The following FBLN5 variants were observed in gnomAD, a reference collection of about 807,000 sequenced individuals.
The protein encoded by FBLN5 is fibulin-5.
Under a neutral mutation model 61.6 loss-of-function variants are expected in FBLN5, and 24 were observed. That is an observed-to-expected ratio of 0.39 (90% confidence interval 0.28 to 0.55). The LOEUF (loss-of-function observed/expected upper bound fraction) is 0.55, where lower values mean the gene tolerates loss of function less well. FBLN5 is among the 20% of genes least tolerant of loss of function. The pLI, the probability that FBLN5 is intolerant of heterozygous loss-of-function variation, is 0.65. For missense variants in FBLN5, 470 were observed against 594.1 expected (o/e 0.79, Z 2.17); for synonymous variants, 213 against 219.8 (o/e 0.97, Z 0.27).
At position 91,943,041 on chromosome 14, in the gene FBLN5, C is replaced by T. The variant is rs1267181610; in HGVS notation, c.18-80G>A. On this transcript the variant is annotated intron_variant, in intron 1 of 10. Coordinates refer to ENST00000342058, the MANE Select transcript of FBLN5 (RefSeq NM_006329.4). This position sits in a 1 kb window ranked among gnomAD's most constrained non-coding sequence, Gnocchi z 4.0. ...AGTGTGGGTCGCATGCGGCCCGTGA[C>T]GTGTAACGGTGATATCACCTTGGGC... 1.3e-5 allele frequency: 12 copies of T among 921,444 alleles called. No homozygotes were observed. Among genetic ancestry groups the T allele is most frequent in the East Asian group, 7.9e-5 (3 of 38,176 alleles). The allele number at this position is 921,444 out of a possible 1,614,324, so 57.1% of individuals were successfully genotyped here.
At chr14:91,903,415 A>G (rs1211740976) in intron 4 of FBLN5, among the ~76,000 whole-genome samples, 2 of 152,216 alleles carry the variant, frequency 1.3e-5, no homozygotes, top group East Asian at 3.8e-4. Context: ...GAGATAACAA[A>G]AAGTACAAAA....
At chr14:91,941,067 GTGGCA>G (rs750534505) in intron 2 of FBLN5, among the ~76,000 whole-genome samples, 1 of 152,164 alleles carries the variant, frequency 6.6e-6, no homozygotes, top group Non-Finnish European at 1.5e-5. Flanking sequence ...TGAGCCTAAT[GTGGCA>G]TGCTCCCTGT....
intron 4 of FBLN5, among the ~76,000 whole-genome samples, chr14:91,916,287 A>G (rs1891194583): frequency 6.6e-6 from 1 of 152,158 alleles, no homozygotes; most frequent in Non-Finnish European, 1.5e-5. Context: ...CTCTACAAAA[A>G]GAATACAAAA....
At chr14:91,935,229 T>A (rs1424349330) in intron 4 of FBLN5, among the ~76,000 whole-genome samples, 1 of 152,206 alleles carries the variant, frequency 6.6e-6, no homozygotes, top group Admixed American at 6.5e-5. Context: ...ATGTCCTCAT[T>A]GTCAAGGGCA....
intron 9 of FBLN5, among the ~76,000 whole-genome samples, chr14:91,880,288 G>T (rs1401605240): frequency 6.6e-6 from 1 of 152,146 alleles, no homozygotes; most frequent in Non-Finnish European, 1.5e-5. Flanking sequence ...CGGAATCTTG[G>T]GCCCCACCCC....
intron 5 of FBLN5, 87 bp downstream of exon 5, chr14:91,894,861 TCA>T: frequency 1.6e-6 from 1 of 613,334 alleles, no homozygotes; most frequent in South Asian, 1.7e-5. Context: ...CTTACTACCC[TCA>T]GGCAGCCAGC....
chr14:91,939,996 G>A lies in FBLN5; in HGVS notation c.124+569C>T, dbSNP rs766595454. 2.0e-5 allele frequency: 9 copies of A among 452,986 alleles called. 1 individual carries two copies. The highest frequency in any genetic ancestry group is 9.3e-5 in the South Asian group (6 of 64,302). The allele number at this position is 452,986 out of a possible 1,614,324, so 28.1% of individuals were successfully genotyped here. On this transcript the variant is annotated intron_variant, in intron 3 of 10. Coordinates refer to ENST00000342058, the MANE Select transcript of FBLN5 (RefSeq NM_006329.4). ...ATTCAAAGTGAGAAACGCTTGACTC[G>A]CTGTGTTGGCTTTGAGGATGGAGGG... is the stretch of plus-strand genomic sequence containing the variant.
intron 4 of FBLN5, among the ~76,000 whole-genome samples, chr14:91,935,394 C>A (rs905002006): frequency 6.6e-6 from 1 of 152,268 alleles, no homozygotes; most frequent in Non-Finnish European, 1.5e-5. Context: ...CCTGCCAAAA[C>A]CGCAGAGTGC....
intron 7 of FBLN5, among the ~76,000 whole-genome samples, chr14:91,886,516 G>A (rs1020455036): frequency 7.2e-5 from 11 of 152,336 alleles, no homozygotes; most frequent in African/African-American, 2.6e-4. Context: ...ATAAACTAGT[G>A]TGGGCAGAAA....
intron 4 of FBLN5, among the ~76,000 whole-genome samples, chr14:91,898,490 G>T (rs565188724): frequency 1.3e-5 from 2 of 152,074 alleles, no homozygotes; most frequent in African/African-American, 4.8e-5. Context: ...TCGGGGGGAG[G>T]CTGAAAGACT....
chr14:91,931,789 CAG>C (rs1212761003), intron 4 of FBLN5, among the ~76,000 whole-genome samples: 1 of 152,150 alleles, frequency 6.6e-6, no homozygotes, highest in African/African-American at 2.4e-5. Context: ...AATGAGTTGA[CAG>C]AGTTGAGTGG....
In FBLN5 at chr14:91,940,568, A is replaced by C; in HGVS notation, c.121T>G (p.Leu41Val). ...FDLDRQSGQC[L>V]DIDECRTIPE... ...AAGGATCCACAGTGGCTCATACCTA[A>C]ACACTGTCCTGACTGGCGATCCAGG... The change falls in exon 3 of 11, where the codon TTA (leucine) becomes GTA (valine). Residue 41 changes from leucine to valine, a missense_variant. Physicochemically the swap from Leu to Val is conservative, Grantham distance 32. Transcript: ENST00000342058. The C allele has an allele frequency of 6.2e-7, 1 of 1,613,580 alleles. No homozygotes were observed. The highest frequency in any genetic ancestry group is 1.6e-4 in the Middle Eastern group (1 of 6,062).
intron 4 of FBLN5, among the ~76,000 whole-genome samples, chr14:91,919,395 AAGG>A (rs766120264): frequency 1.3e-4 from 16 of 119,082 alleles, no homozygotes; most frequent in South Asian, 3.2e-4. Flanking sequence ...GAAAGAAAGG[AAGG>A]AAGGAAGGAA....
chr14:91,878,438 C>T (rs1889273079), intron 9 of FBLN5, among the ~76,000 whole-genome samples: 1 of 152,186 alleles, frequency 6.6e-6, no homozygotes, highest in Non-Finnish European at 1.5e-5. Flanking sequence ...CACCCCCTTC[C>T]TCTGTCTCTG....
intron 9 of FBLN5, among the ~76,000 whole-genome samples, chr14:91,880,649 G>A (rs1302395555): frequency 3.9e-5 from 6 of 152,168 alleles, no homozygotes; most frequent in African/African-American, 1.4e-4. Context: ...CCAGGTTCAA[G>A]CGATTCTCAT....
At chr14:91,932,094 G>T (rs962697355) in intron 4 of FBLN5, among the ~76,000 whole-genome samples, 1 of 152,176 alleles carries the variant, frequency 6.6e-6, no homozygotes, top group African/African-American at 2.4e-5. Context: ...AACCATGTCT[G>T]TCTGGCTCTC....
At chr14:91,911,435 A>G (rs1890929688) in intron 4 of FBLN5, among the ~76,000 whole-genome samples, 1 of 152,214 alleles carries the variant, frequency 6.6e-6, no homozygotes, top group Non-Finnish European at 1.5e-5. Flanking sequence ...TTTACACAGT[A>G]CCAGGCACAG....
intron 10 of FBLN5, among the ~76,000 whole-genome samples, chr14:91,875,680 T>C (rs1337943014): frequency 1.3e-5 from 2 of 152,188 alleles, no homozygotes; most frequent in Non-Finnish European, 2.9e-5. Context: ...GCTCCTCCCC[T>C]GCCAGCCCTG....
At chr14:91,871,842 G>A (rs1193890849) in intron 10 of FBLN5, among the ~76,000 whole-genome samples, 2 of 149,360 alleles carry the variant, frequency 1.3e-5, no homozygotes, top group Admixed American at 6.7e-5. Flanking sequence ...GGACAACGGC[G>A]AGACTCCAGC....
Sources: allele counts gnomAD v4.1 joint callset (sites outside exome capture counted in the v4.1 genomes callset), GRCh38; gene constraint gnomAD v4.1.1; non-coding constraint Gnocchi (gnomAD v3.1); transcripts MANE v1.5; gene names NCBI Gene and HGNC (gene_info 2026-07-23, HGNC 2026-07-21).